Variants in IQCK observed in about 807,000 individuals in gnomAD.
The protein encoded by IQCK is IQ domain-containing protein K.
IQCK carries 29 observed loss-of-function variants against 28.1 expected under a neutral mutation model. The observed-to-expected ratio is 1.03, with a 90% confidence interval of 0.77 to 1.41. The LOEUF (loss-of-function observed/expected upper bound fraction) is 1.41, where lower values mean the gene tolerates loss of function less well. Among genes scored for constraint, IQCK ranks in the 40% most tolerant of loss-of-function variants. The pLI, the probability that IQCK is intolerant of heterozygous loss-of-function variation, is 0.00. For missense variants in IQCK, 359 were observed against 314.7 expected (o/e 1.14, Z -1.07); for synonymous variants, 113 against 115.1 (o/e 0.98, Z 0.12).
At chr16:19,766,281 G>A (rs909329073) in intron 6 of IQCK, among the ~76,000 whole-genome samples, 3 of 152,250 alleles carry the variant, frequency 2.0e-5, no homozygotes, top group Non-Finnish European at 4.4e-5. Flanking sequence ...GGGGTGGGGG[G>A]ACATGTTTAC....
At chr16:19,753,517 C>T (rs2055014267) in intron 4 of IQCK, among the ~76,000 whole-genome samples, 5 of 152,050 alleles carry the variant, frequency 3.3e-5, no homozygotes, top group Admixed American at 1.3e-4. Context: ...TGTTAGGCAT[C>T]CAAAGCCCAT....
intron 9 of IQCK, among the ~76,000 whole-genome samples, chr16:19,841,847 CT>C (rs35552172): frequency 0.32 from 46,212 of 143,106 alleles, 7,412 homozygotes; most frequent in East Asian, 0.52. Flanking sequence ...TGTAAGCCAT[CT>C]TTTTTTTTTT....
In IQCK at chr16:19,849,192, G is replaced by C. The variant is rs969113530; in HGVS notation, c.803-7295G>C. Reference sequence around the variant, plus strand: ...TTCCCCCAGTTGTATAGCAATACAGGTATACTGTAGAACATTCAGGAAAAC... The same window carrying C: ...TTCCCCCAGTTGTATAGCAATACAGCTATACTGTAGAACATTCAGGAAAAC... On this transcript the variant is annotated intron_variant, in intron 9 of 9. Transcript: ENST00000320394. Among the ~76,000 whole-genome samples, 3 of 151,132 alleles carry C rather than the reference G, an allele frequency of 2.0e-5. No homozygotes were observed. In the South Asian group the frequency reaches 6.2e-4, roughly 31 times the overall value.
At chr16:19,725,249 G>A (rs1977619560) in intron 1 of IQCK, among the ~76,000 whole-genome samples, 1 of 152,098 alleles carries the variant, frequency 6.6e-6, no homozygotes, top group African/African-American at 2.4e-5. Flanking sequence ...CCAGGCTGAA[G>A]TGCAGTGGCG....
chr16:19,756,910 AAAAAG>A (rs1430891442), intron 4 of IQCK, among the ~76,000 whole-genome samples: 17 of 151,154 alleles, frequency 1.1e-4, no homozygotes, highest in African/African-American at 3.9e-4. Context: ...AAAAAAAAAA[AAAAAG>A]AAAGAGGCTC....
chr16:19,721,024 A>T (rs539458120), intron 1 of IQCK, among the ~76,000 whole-genome samples: 6 of 152,152 alleles, frequency 3.9e-5, no homozygotes, highest in Non-Finnish European at 7.4e-5. Flanking sequence ...AAAAAAAAAA[A>T]AACAATTCAG....
At chr16:19,721,348 C>T (rs1224438425) in intron 1 of IQCK, among the ~76,000 whole-genome samples, 1 of 152,224 alleles carries the variant, frequency 6.6e-6, no homozygotes, top group African/African-American at 2.4e-5. Flanking sequence ...ACCAACCTGA[C>T]TAGTGCTCTT....
intron 6 of IQCK, among the ~76,000 whole-genome samples, chr16:19,767,980 A>G (rs922034073): frequency 6.6e-6 from 1 of 151,774 alleles, no homozygotes; most frequent in Admixed American, 6.6e-5. Flanking sequence ...CTAAATCATA[A>G]TCTTCAGGTA....
intron 9 of IQCK, among the ~76,000 whole-genome samples, chr16:19,834,482 A>G (rs1289927537): frequency 6.6e-6 from 1 of 152,172 alleles, no homozygotes; most frequent in Non-Finnish European, 1.5e-5. Flanking sequence ...TCCAGTGCAA[A>G]GCTTCTCAGC....
chr16:19,758,144 C>T (rs549726261), intron 4 of IQCK, among the ~76,000 whole-genome samples: 1 of 152,288 alleles, frequency 6.6e-6, no homozygotes, highest in East Asian at 1.9e-4. Context: ...TGGGTGCCCT[C>T]GCTGTCTAAA....
At position 19,781,747 on chromosome 16, in the gene IQCK, G is replaced by T. The variant is rs192999509; in HGVS notation, c.606-7091G>T. On this transcript the variant is annotated intron_variant, in intron 6 of 7. Transcript: ENST00000564186. ...CTCACGCCTGTAATCCCAGCACCTTGGGAGGCTGAGGCAGGTGGATCACTT... is the reference window on the plus strand; with the variant it reads ...CTCACGCCTGTAATCCCAGCACCTTTGGAGGCTGAGGCAGGTGGATCACTT... Among the ~76,000 whole-genome samples the T allele has an allele frequency of 9.0e-3, 1,363 of 152,288 alleles. 22 individuals are homozygous for T. Among genetic ancestry groups the T allele is most frequent in the African/African-American group, 0.031 (1,297 of 41,556 alleles).
chr16:19,733,667 G>T lies in IQCK; in HGVS notation c.247-31G>T, dbSNP rs1271575918. On this transcript the variant is annotated intron_variant, in intron 2 of 7. Coordinates refer to ENST00000564186, the Ensembl canonical transcript of IQCK. ...ATGCAATTATTTAAGCTGTTTAAAT[G>T]AATTGCCTCCCCTCCCCTGTCTGCC... 2.5e-6 allele frequency: 4 copies of T among 1,610,150 alleles called. No homozygotes were observed. In the African/African-American group the frequency reaches 4.0e-5, roughly 16 times the overall value.
chr16:19,816,226 C>G (rs1394187), intron 7 of IQCK, among the ~76,000 whole-genome samples: 7,103 of 152,218 alleles, frequency 0.047, 549 homozygotes, highest in African/African-American at 0.16. Flanking sequence ...TGGGTAATTT[C>G]AGAGTCCCAG....
intron 6 of IQCK, among the ~76,000 whole-genome samples, chr16:19,773,064 T>G (rs2055339924): frequency 6.6e-6 from 1 of 152,052 alleles, no homozygotes; most frequent in Non-Finnish European, 1.5e-5. Flanking sequence ...TTATGAGCAC[T>G]TGATAGTGTA....
chr16:19,718,535 C>A (rs1341849231), intron 1 of IQCK, 48 bp downstream of exon 1: 3 of 1,482,712 alleles, frequency 2.0e-6, no homozygotes, highest in Admixed American at 5.1e-5. Flanking sequence ...GGCGGCCGGA[C>A]GGGGGCCGCG....
intron 9 of IQCK, among the ~76,000 whole-genome samples, chr16:19,853,296 A>C (rs150184421): frequency 5.9e-5 from 9 of 151,988 alleles, no homozygotes; most frequent in African/African-American, 2.2e-4. Context: ...CAGCCCGTCA[A>C]CTCGAGATAA....
chr16:19,782,978 G>A (rs918643029), intron 6 of IQCK, among the ~76,000 whole-genome samples: 3 of 141,064 alleles, frequency 2.1e-5, no homozygotes, highest in African/African-American at 9.3e-5. Context: ...GAATTATAGC[G>A]TTGATTCTTC....
chr16:19,724,650 TC>T (rs1370877303), intron 1 of IQCK, among the ~76,000 whole-genome samples: 9 of 152,234 alleles, frequency 5.9e-5, no homozygotes, highest in South Asian at 4.2e-4. Context: ...TGCCTCAGCG[TC>T]CTGAGTAGCT....
At chr16:19,823,005 G>A (rs539874447) in intron 7 of IQCK, among the ~76,000 whole-genome samples, 2 of 152,270 alleles carry the variant, frequency 1.3e-5, no homozygotes, top group East Asian at 3.9e-4. Context: ...AGACGAGAGG[G>A]AATGGTAGTT....
Sources: gnomAD v4.1 joint callset for allele counts (sites outside exome capture counted in the v4.1 genomes callset) on GRCh38, gnomAD v4.1.1 for gene constraint, MANE v1.5 for transcripts, NCBI Gene and HGNC (gene_info 2026-07-23, HGNC 2026-07-21) for gene names.